The following WDR19 variants were observed in gnomAD, a reference collection of about 807,000 sequenced individuals.
The protein encoded by WDR19 is WD repeat-containing protein 19.
A neutral mutation model predicts 180.0 loss-of-function variants in WDR19; 121 were observed. The ratio of observed to expected loss-of-function variants is 0.67; its 90% CI spans 0.58 to 0.78. WDR19 has a LOEUF of 0.78. Among genes scored for constraint, WDR19 ranks in the 30% least tolerant of loss-of-function variants. The probability of loss-of-function intolerance (pLI) is 0.00; values close to 1 mark genes in which losing one functional copy is unlikely to be tolerated. For missense variants in WDR19, 1,450 were observed against 1,640.7 expected (o/e 0.88, Z 2.01); for synonymous variants, 497 against 540.7 (o/e 0.92, Z 1.12).
Position 39,194,670 on chromosome 4 carries a change from GCTGGAAA to G in WDR19, c.406+13_406+19del. The G allele has an allele frequency of 1.3e-6, 2 of 1,562,598 alleles. No homozygotes were observed. The highest frequency in any genetic ancestry group is 1.8e-6 in the Non-Finnish European group (2 of 1,137,216). ...AGATTCCTGTCCTTGGTAGGTGATA[GCTGGAAA>G]CACTGCTAAATATTTGAGATGCTCT... is the stretch of plus-strand genomic sequence containing the variant. On this transcript the variant is annotated intron_variant, in intron 5 of 36. Coordinates refer to ENST00000399820, the MANE Select transcript of WDR19 (RefSeq NM_025132.4).
rs1389614537 is a variant in WDR19 at position 39,194,540 on chromosome 4, A to G, written c.291-4A>G. ...GTTTAGTAATTTATATCTTAATGTT[A>G]CAGGGATCAAATGTCTTTCCTTCTT... On this transcript the variant is annotated splice_polypyrimidine_tract_variant and splice_region_variant and intron_variant, in intron 4 of 36. Coordinates refer to ENST00000399820, the MANE Select transcript of WDR19 (RefSeq NM_025132.4). The G allele has an allele frequency of 1.3e-6, 2 of 1,592,306 alleles. No individual in the cohort carries two copies. Among genetic ancestry groups the G allele is most frequent in the Non-Finnish European group, 1.7e-6 (2 of 1,162,646 alleles).
intron 30 of WDR19, among the ~76,000 whole-genome samples, chr4:39,268,384 C>G (rs1292632626): frequency 6.6e-6 from 1 of 152,140 alleles, no homozygotes; most frequent in Non-Finnish European, 1.5e-5. Context: ...CCCCTCCAGC[C>G]CACAACCCCC....
chr4:39,262,306 A>C (rs1191034551), intron 28 of WDR19, among the ~76,000 whole-genome samples: 1 of 152,106 alleles, frequency 6.6e-6, no homozygotes, highest in African/African-American at 2.4e-5. Context: ...CCCAGGTGGC[A>C]CAATCAGAGC....
In WDR19 at chr4:39,231,961, A is replaced by G; in HGVS notation, c.2142+5A>G. 2 of 1,609,558 alleles carry G rather than the reference A, an allele frequency of 1.2e-6. No homozygotes were observed. Among genetic ancestry groups the G allele is most frequent in the African/African-American group, 1.3e-5 (1 of 74,978 alleles). ...ATGTCCTTGGAACAAATAAAGGTAA[A>G]CAGCATGTTATAGAATTATCAAGTT... On this transcript the variant is annotated splice_donor_5th_base_variant and intron_variant, in intron 18 of 36. Coordinates refer to ENST00000399820, the MANE Select transcript of WDR19 (RefSeq NM_025132.4).
Position 39,270,114 on chromosome 4 carries a change from A to C in WDR19, c.3483+14A>C, listed in dbSNP as rs2109497563. On this transcript the variant is annotated intron_variant, in intron 31 of 36. Coordinates refer to ENST00000399820, the MANE Select transcript of WDR19 (RefSeq NM_025132.4). ...ATACTAGTAAAGGTGAGGCCCATGG[A>C]GTGACTTGGGACATAACCTGCCAGG... The C allele has an allele frequency of 3.7e-6, 6 of 1,613,112 alleles. No individual in the cohort carries two copies. Among genetic ancestry groups the C allele is most frequent in the Middle Eastern group, 3.3e-4 (2 of 6,060 alleles).
chr4:39,231,260 G>C (rs1730820218), intron 17 of WDR19, among the ~76,000 whole-genome samples: 1 of 148,646 alleles, frequency 6.7e-6, no homozygotes, highest in African/African-American at 2.5e-5. Flanking sequence ...GCAGTTAGGT[G>C]AGATCACGCC....
At chr4:39,256,733 G>C (rs753505595) in intron 27 of WDR19, among the ~76,000 whole-genome samples, 1 of 152,052 alleles carries the variant, frequency 6.6e-6, no homozygotes, top group Non-Finnish European at 1.5e-5. Flanking sequence ...CAACCAGCCA[G>C]AACTCCCTAA....
intron 8 of WDR19, 94 bp from the exon 9 acceptor site, chr4:39,205,469 A>T: frequency 7.2e-7 from 1 of 1,387,410 alleles, no homozygotes; most frequent in Non-Finnish European, 9.7e-7. Context: ...ATTATATTCT[A>T]TAATTCCTTA....
At chr4:39,244,778 A>C (rs554379336) in intron 23 of WDR19, among the ~76,000 whole-genome samples, 1 of 152,316 alleles carries the variant, frequency 6.6e-6, no homozygotes, top group East Asian at 1.9e-4. Flanking sequence ...TTAATCAGAT[A>C]AATTAGTAGG....
In WDR19 at chr4:39,217,199, T is replaced by C; in HGVS notation, c.1315T>C (p.Tyr439His). The C allele has an allele frequency of 6.2e-7, 1 of 1,608,068 alleles. No homozygotes were observed. The highest frequency in any genetic ancestry group is 8.5e-7 in the Non-Finnish European group (1 of 1,177,272). Residue 439 changes from tyrosine to histidine, a missense_variant, in exon 13 of 37, where the codon TAT becomes CAT. Tyr to His is a moderately conservative substitution (Grantham distance 83). Coordinates refer to ENST00000399820, the MANE Select transcript of WDR19 (RefSeq NM_025132.4). ...TVASICLHSD[Y>H]AAALFEGKVQ... ...AGCCAGTATTTGCCTTCATTCTGAC[T>C]ATGCTGCTGCACTTTTTGAAGGCAA...
rs763190830 is a variant in WDR19 at position 39,254,001 on chromosome 4, A to G, written c.2972A>G (p.Asn991Ser). The change falls in exon 26 of 37, where the codon AAC becomes AGC. Residue 991 changes from asparagine to serine, a missense_variant. By Grantham distance (46) the Asn-to-Ser change is conservative. Coordinates refer to ENST00000399820, the MANE Select transcript of WDR19 (RefSeq NM_025132.4). Reference sequence around the variant, plus strand: ...GCTTTCACACTGGCTCAGCAACACAACAAAATGGAAATCTATGCAGATATT... The same window carrying G: ...GCTTTCACACTGGCTCAGCAACACAGCAAAATGGAAATCTATGCAGATATT... ...NEAFTLAQQH[N>S]KMEIYADIIG... 26 of 1,612,452 alleles carry G rather than the reference A, an allele frequency of 1.6e-5. No homozygotes were observed. The Admixed American group carries it at 4.3e-4, about 27-fold the overall frequency.
chr4:39,229,233 A>C (rs910172062), intron 17 of WDR19, among the ~76,000 whole-genome samples: 5 of 152,122 alleles, frequency 3.3e-5, no homozygotes, highest in African/African-American at 1.2e-4. Context: ...TGATTCCATG[A>C]CTTTGCTATT....
chr4:39,206,886 C>T (rs1728011827), intron 9 of WDR19, among the ~76,000 whole-genome samples: 1 of 152,154 alleles, frequency 6.6e-6, no homozygotes. Flanking sequence ...AGGTTGATGG[C>T]CTGCTGAAAC....
At chr4:39,200,101 G>A (rs1293802450) in intron 6 of WDR19, among the ~76,000 whole-genome samples, 2 of 152,060 alleles carry the variant, frequency 1.3e-5, no homozygotes, top group Admixed American at 6.6e-5. Context: ...AATTTGTATC[G>A]CCAGTAGCTA....
At chr4:39,234,099 G>A (rs947127480) in intron 19 of WDR19, among the ~76,000 whole-genome samples, 24 of 152,132 alleles carry the variant, frequency 1.6e-4, no homozygotes, top group African/African-American at 5.8e-4. Flanking sequence ...AATTGCAAAA[G>A]GGTAGTTGTG....
intron 28 of WDR19, among the ~76,000 whole-genome samples, chr4:39,257,971 T>TC (rs1157485474): frequency 2.0e-5 from 3 of 151,532 alleles, no homozygotes; most frequent in African/African-American, 7.3e-5. Context: ...TCTCCACATG[T>TC]CACCCCCCAG....
rs369985488 is a variant in WDR19, at chr4:39,277,156, A to G, written c.3840+13A>G. 14 of 1,587,934 alleles carry G rather than the reference A, an allele frequency of 8.8e-6. No homozygotes were observed. Among genetic ancestry groups the G allele is most frequent in the Non-Finnish European group, 1.7e-6 (2 of 1,168,120 alleles). The stretch of plus-strand genomic sequence containing the variant: ...TTGCATTGCAACAGTGAGTTCCTTT[A>G]TAGTAATTTCCCTTTCTTTGCATAT... On this transcript the variant is annotated intron_variant, in intron 34 of 36. Coordinates refer to ENST00000399820, the MANE Select transcript of WDR19 (RefSeq NM_025132.4).
chr4:39,205,260 A>G lies in WDR19; in HGVS notation c.710A>G (p.Tyr237Cys), dbSNP rs755629699. 6.9e-6 allele frequency: 11 copies of G among 1,589,816 alleles called. No homozygotes were observed. Among genetic ancestry groups the G allele is most frequent in the African/African-American group, 1.3e-5 (1 of 74,644 alleles). Reference protein sequence around the residue: ...FQQDFGNIVCYNWYGDGRIMI... With the variant: ...FQQDFGNIVCCNWYGDGRIMI... ...CAGGACTTTGGCAACATTGTCTGCTATAATTGGTATGTCTGCTATAACTGG... is the reference window on the plus strand; with the variant it reads ...CAGGACTTTGGCAACATTGTCTGCTGTAATTGGTATGTCTGCTATAACTGG... The change falls in exon 8 of 37, where the codon TAT (tyrosine) becomes TGT (cysteine). Residue 237 changes from tyrosine (Y) to cysteine (C), a missense_variant. Coordinates refer to ENST00000399820, the MANE Select transcript of WDR19 (RefSeq NM_025132.4).
intron 9 of WDR19, among the ~76,000 whole-genome samples, chr4:39,209,386 A>G (rs563429419): frequency 6.6e-6 from 1 of 152,306 alleles, no homozygotes; most frequent in East Asian, 1.9e-4. Context: ...AGGGGGAAAA[A>G]GGGCCTCAAA....
Sources: allele counts gnomAD v4.1 joint callset (sites outside exome capture counted in the v4.1 genomes callset), GRCh38; gene constraint gnomAD v4.1.1; transcripts MANE v1.5; gene names NCBI Gene and HGNC (gene_info 2026-07-23, HGNC 2026-07-21).